Variants in SIRPD observed in about 807,000 individuals in gnomAD.
SIRPD encodes signal-regulatory protein delta.
A neutral mutation model predicts 18.0 loss-of-function variants in SIRPD; 21 were observed. The ratio of observed to expected loss-of-function variants is 1.17; its 90% CI spans 0.83 to 1.68. SIRPD has a LOEUF of 1.68. SIRPD is among the 40% of genes most tolerant of loss of function. The pLI, the probability that SIRPD is intolerant of heterozygous loss-of-function variation, is 0.00. For synonymous variants in SIRPD, 106 were observed against 92.9 expected (o/e 1.14, Z -0.81); for missense variants, 295 against 238.4 (o/e 1.24, Z -1.56).
intron 2 of SIRPD, among the ~76,000 whole-genome samples, chr20:1,543,334 T>C (rs564775953): frequency 6.6e-6 from 1 of 152,346 alleles, no homozygotes; most frequent in South Asian, 2.1e-4. Flanking sequence ...ATTCAGGGAT[T>C]CAACTTCTTC....
chr20:1,543,192 G>A (rs1486832669), intron 2 of SIRPD, among the ~76,000 whole-genome samples: 1 of 152,166 alleles, frequency 6.6e-6, no homozygotes, highest in Non-Finnish European at 1.5e-5. Flanking sequence ...GTTTGGAATA[G>A]TTTTAGAAGG....
At chr20:1,552,187 C>T (rs957320441) in intron 1 of SIRPD, 149 bp from the exon 2 acceptor site, 1 of 655,332 alleles carries the variant, frequency 1.5e-6, no homozygotes, top group South Asian at 2.0e-5. Flanking sequence ...CACATGGAGG[C>T]AGCTTCTCCC....
intron 1 of SIRPD, 147 bp from the exon 2 acceptor site, chr20:1,552,185 G>GGCCTTT (rs2091022639): frequency 1.1e-5 from 7 of 665,112 alleles, no homozygotes; most frequent in Middle Eastern, 3.9e-4. Flanking sequence ...TGCACATGGA[G>GGCCTTT]GCAGCTTCTC....
rs2090948435 is a variant in SIRPD at position 1,537,004 on chromosome 20, A to G, written c.577+151T>C. ...ACACTAGTTATAAAACAAACTATTT[A>G]GGGAAGTGTCTTAAAGAGGAAGGGG... On this transcript the variant is annotated intron_variant, in intron 3 of 3. Transcript: ENST00000381623. 108 of 800,380 alleles carry G rather than the reference A, an allele frequency of 1.3e-4. 3 individuals are homozygous for G. In the South Asian group the frequency reaches 1.9e-3, roughly 14 times the overall value. 49.6% of individuals were successfully genotyped at this position (800,380 alleles called of 1,614,324 possible). A position where few individuals can be genotyped will look rare whatever the true frequency, so the allele number is the denominator to read the frequency against.
At chr20:1,551,372 C>G (rs2091018101) in intron 2 of SIRPD, among the ~76,000 whole-genome samples, 1 of 152,122 alleles carries the variant, frequency 6.6e-6, no homozygotes, top group Non-Finnish European at 1.5e-5. Context: ...CCAAACTGGC[C>G]AAGTTCAGCC....
intron 1 of SIRPD, among the ~76,000 whole-genome samples, chr20:1,554,766 T>C (rs1442106089): frequency 2.6e-5 from 4 of 152,144 alleles, no homozygotes; most frequent in Non-Finnish European, 4.4e-5. Context: ...AGGCCACTCA[T>C]TCACCTCTCC....
intron 1 of SIRPD, 103 bp from the exon 2 acceptor site, chr20:1,552,141 G>A (rs16995146): frequency 0.12 from 108,449 of 933,964 alleles, 7,315 homozygotes; most frequent in Middle Eastern, 0.14. Context: ...AATGACATGC[G>A]CAAATGCCCA....
chr20:1,542,780 A>G (rs1408028679), intron 2 of SIRPD, among the ~76,000 whole-genome samples: 4 of 152,156 alleles, frequency 2.6e-5, no homozygotes, highest in African/African-American at 9.7e-5. Flanking sequence ...TGTCATAAAT[A>G]GCTCTTACTA....
At chr20:1,540,413 C>A in intron 2 of SIRPD, 2 of 432,270 alleles carry the variant, frequency 4.6e-6, no homozygotes, top group East Asian at 7.4e-5. Context: ...ATGTACAATT[C>A]AATATTTGCA....
Position 1,551,606 on chromosome 20 carries a change from A to G in SIRPD, c.421+85T>C, listed in dbSNP as rs539411426. 20 of 1,028,156 alleles carry G rather than the reference A, an allele frequency of 1.9e-5. No individual in the cohort carries two copies. In the South Asian group the frequency reaches 3.2e-4, roughly 16 times the overall value. 63.7% of individuals were successfully genotyped at this position (1,028,156 alleles called of 1,614,324 possible). Reference sequence around the variant, plus strand: ...TTGTACCTTCAATAATATTTGGCACATAGCAATTATTGAATGAATAGAAGA... The same window carrying G: ...TTGTACCTTCAATAATATTTGGCACGTAGCAATTATTGAATGAATAGAAGA... On this transcript the variant is annotated intron_variant, in intron 2 of 3. Coordinates refer to ENST00000381623, the MANE Select transcript of SIRPD (RefSeq NM_178460.3).
intron 2 of SIRPD, among the ~76,000 whole-genome samples, chr20:1,543,951 T>C (rs1357136559): frequency 6.6e-6 from 1 of 152,238 alleles, no homozygotes; most frequent in Non-Finnish European, 1.5e-5. Context: ...TCCTGAGTTC[T>C]AATTTGATTG....
rs184451270 is a variant in SIRPD, at chr20:1,548,574, T to C, written c.421+3117A>G. Among the ~76,000 whole-genome samples, 23 of 152,276 alleles carry C rather than the reference T, an allele frequency of 1.5e-4. No individual in the cohort carries two copies. The East Asian group carries it at 4.2e-3, about 28-fold the overall frequency. ...AAGATATATTTGATCTGTGTTTTTT[T>C]CTTGTGATGTCTTTGTCTGGTGTCG... On this transcript the variant is annotated intron_variant, in intron 2 of 3. Transcript: ENST00000381623.
chr20:1,545,888 C>G (rs377173214), intron 2 of SIRPD, among the ~76,000 whole-genome samples: 24 of 152,326 alleles, frequency 1.6e-4, no homozygotes, highest in African/African-American at 5.3e-4. Flanking sequence ...TTCTGCAGGT[C>G]TGCTGGAGTT....
chr20:1,537,778 G>A (rs2090953802), intron 2 of SIRPD, among the ~76,000 whole-genome samples: 1 of 152,200 alleles, frequency 6.6e-6, no homozygotes, highest in African/African-American at 2.4e-5. Flanking sequence ...GCTCTTCAAA[G>A]TACGCTTACA....
intron 1 of SIRPD, 71 bp downstream of exon 1, chr20:1,557,510 A>G: frequency 7.9e-7 from 1 of 1,271,208 alleles, no homozygotes; most frequent in Non-Finnish European, 1.0e-6. Context: ...CTATGGGAAC[A>G]GGTGAGGGAG....
At chr20:1,552,619 AAG>A (rs775265365) in intron 1 of SIRPD, among the ~76,000 whole-genome samples, 4 of 152,272 alleles carry the variant, frequency 2.6e-5, no homozygotes. Flanking sequence ...CCTCAACAAA[AAG>A]AGATTAGAAC....
Position 1,537,295 on chromosome 20 carries a change from G to T in SIRPD, c.437C>A (p.Pro146His). The T allele has an allele frequency of 3.1e-6, 5 of 1,613,780 alleles. No individual in the cohort carries two copies. Among genetic ancestry groups the T allele is most frequent in the Non-Finnish European group, 4.2e-6 (5 of 1,179,810 alleles). Residue 146 changes from proline (P) to histidine (H), a missense_variant, in exon 3 of 4, where the codon CCT becomes CAT. By Grantham distance (77) the Pro-to-His change is moderately conservative. Coordinates refer to ENST00000381623, the MANE Select transcript of SIRPD (RefSeq NM_178460.3). ...QVFVTEQNPR[P>H]PKNRPAGRAG... Reference sequence around the variant, plus strand: ...TCTGCCTGCAGGTCTGTTCTTGGGAGGTCTTGGATTCTGCTCTGCTGAGAG... The same window carrying T: ...TCTGCCTGCAGGTCTGTTCTTGGGATGTCTTGGATTCTGCTCTGCTGAGAG...
chr20:1,543,571 G>C (rs1220720340), intron 2 of SIRPD, among the ~76,000 whole-genome samples: 1 of 151,924 alleles, frequency 6.6e-6, no homozygotes, highest in East Asian at 1.9e-4. Context: ...AAAAAAAACA[G>C]CTCCTTGATT....
intron 3 of SIRPD, among the ~76,000 whole-genome samples, chr20:1,536,655 G>T (rs2256095): frequency 0.43 from 64,721 of 151,976 alleles, 15,546 homozygotes; most frequent in Non-Finnish European, 0.55. Flanking sequence ...TACATTGCAT[G>T]TGTAGTACTT....
Sources: gnomAD v4.1 joint callset for allele counts (sites outside exome capture counted in the v4.1 genomes callset) on GRCh38, gnomAD v4.1.1 for gene constraint, MANE v1.5 for transcripts, NCBI Gene and HGNC (gene_info 2026-07-23, HGNC 2026-07-21) for gene names.